THSD7A: variants seen among roughly 807,000 people sequenced by gnomAD.
THSD7A encodes the protein thrombospondin type 1 domain containing 7A.
Under a neutral mutation model 231.3 loss-of-function variants are expected in THSD7A, and 96 were observed. The observed-to-expected ratio is 0.41, with a 90% CI of 0.35 to 0.49. The LOEUF (loss-of-function observed/expected upper bound fraction) is 0.49, where lower values mean the gene tolerates loss of function less well. Among genes scored for constraint, THSD7A ranks in the 20% least tolerant of loss-of-function variants. THSD7A has a pLI of 0.05. For synonymous variants in THSD7A, 940 were observed against 743.3 expected (o/e 1.26, Z -4.30); for missense variants, 2,290 against 2,070.2 (o/e 1.11, Z -2.06).
intron 19 of THSD7A, among the ~76,000 whole-genome samples, chr7:11,408,281 G>T (rs1391136068): frequency 6.6e-6 from 1 of 152,084 alleles, no homozygotes; most frequent in Non-Finnish European, 1.5e-5. Context: ...GACCGAGGTG[G>T]GCGGATCACC....
At chr7:11,600,967 C>A (rs1250922440) in intron 2 of THSD7A, among the ~76,000 whole-genome samples, 1 of 152,098 alleles carries the variant, frequency 6.6e-6, no homozygotes, top group East Asian at 1.9e-4. Context: ...ACAGAGAGGA[C>A]CAAAATCCCA....
At chr7:11,518,332 G>A (rs1179220230) in intron 6 of THSD7A, among the ~76,000 whole-genome samples, 1 of 152,126 alleles carries the variant, frequency 6.6e-6, no homozygotes, top group Non-Finnish European at 1.5e-5. Flanking sequence ...GGAAGCGTGA[G>A]AGACTGTGGA....
At chr7:11,753,260 A>C (rs1782563449) in intron 1 of THSD7A, among the ~76,000 whole-genome samples, 1 of 152,092 alleles carries the variant, frequency 6.6e-6, no homozygotes, top group Non-Finnish European at 1.5e-5. Context: ...TGATCTTTAA[A>C]ATTAATTTGC....
At chr7:11,727,579 C>G (rs1393065410) in intron 1 of THSD7A, among the ~76,000 whole-genome samples, 3 of 151,978 alleles carry the variant, frequency 2.0e-5, no homozygotes, top group East Asian at 3.9e-4. Flanking sequence ...AAAACTCTTA[C>G]CAACTTTGGA....
intron 23 of THSD7A, among the ~76,000 whole-genome samples, chr7:11,387,367 T>C (rs1373245666): frequency 6.6e-6 from 1 of 152,222 alleles, no homozygotes; most frequent in Non-Finnish European, 1.5e-5. Flanking sequence ...TTCCATTTAT[T>C]TGTGTCCTCT....
chr7:11,805,516 T>C (rs1784377042), intron 1 of THSD7A, among the ~76,000 whole-genome samples: 1 of 152,054 alleles, frequency 6.6e-6, no homozygotes, highest in South Asian at 2.1e-4. Flanking sequence ...CAGAGAAAAA[T>C]AGAGAATAAT....
intron 6 of THSD7A, among the ~76,000 whole-genome samples, chr7:11,485,617 A>G (rs1786624329): frequency 6.6e-6 from 1 of 152,222 alleles, no homozygotes; most frequent in Admixed American, 6.5e-5. Flanking sequence ...CAAAAGTTTG[A>G]CTAAAGGAAC....
chr7:11,441,545 G>A (rs1784803692), intron 13 of THSD7A, among the ~76,000 whole-genome samples: 1 of 151,984 alleles, frequency 6.6e-6, no homozygotes, highest in Non-Finnish European at 1.5e-5. Context: ...TGTGTGGTTA[G>A]GCTCTCAATA....
rs139241693 is a variant in THSD7A, at chr7:11,773,453, C to T, written c.190+58304G>A. On this transcript the variant is annotated intron_variant, in intron 1 of 27. Coordinates refer to ENST00000423059, the MANE Select transcript of THSD7A (RefSeq NM_015204.3). ...GCTGAGGCAGGAGAATTGCTTGAAC[C>T]CGGGAGGCAGAGATTGGGGTGAGCT... 9.9e-5 allele frequency among the ~76,000 whole-genome samples: 15 copies of T among 152,078 alleles called. No homozygotes were observed. The East Asian group carries it at 2.5e-3, about 26-fold the overall frequency.
chr7:11,473,566 GA>G (rs1786021896), intron 8 of THSD7A, among the ~76,000 whole-genome samples: 1 of 151,984 alleles, frequency 6.6e-6, no homozygotes, highest in Non-Finnish European at 1.5e-5. Context: ...GTTAAGTTTT[GA>G]AAAATAAAGC....
Position 11,489,456 on chromosome 7 carries a change from C to T in THSD7A, c.1823-7474G>A, listed in dbSNP as rs1583837627. On this transcript the variant is annotated intron_variant, in intron 6 of 27. Transcript: ENST00000423059. ...GTAATGTATGTAAATCTTCTCCCAG[C>T]CTCTTGCCAGTTTTGCAAACCAGGA... 3.3e-5 allele frequency among the ~76,000 whole-genome samples: 5 copies of T among 152,152 alleles called. No homozygotes were observed. The South Asian group carries it at 1.0e-3, about 32-fold the overall frequency.
At chr7:11,598,568 C>T (rs1309547877) in intron 2 of THSD7A, among the ~76,000 whole-genome samples, 2 of 152,118 alleles carry the variant, frequency 1.3e-5, no homozygotes, top group Non-Finnish European at 2.9e-5. Flanking sequence ...TTTGCCAGCA[C>T]TTATGGGGGA....
intron 1 of THSD7A, among the ~76,000 whole-genome samples, chr7:11,707,294 T>C (rs1780800724): frequency 6.6e-6 from 1 of 150,924 alleles, no homozygotes; most frequent in African/African-American, 2.4e-5. Context: ...ATCATAGTAT[T>C]CGTCTTTGCA....
intron 1 of THSD7A, among the ~76,000 whole-genome samples, chr7:11,754,286 T>G (rs896723137): frequency 6.6e-6 from 1 of 152,038 alleles, no homozygotes; most frequent in African/African-American, 2.4e-5. Context: ...GTAACGGAAG[T>G]GAGAACTCGA....
chr7:11,815,912 T>C (rs1784679889), intron 1 of THSD7A, among the ~76,000 whole-genome samples: 1 of 152,090 alleles, frequency 6.6e-6, no homozygotes, highest in African/African-American at 2.4e-5. Flanking sequence ...TCCAAACTTC[T>C]TTCTATCCCT....
chr7:11,706,276 T>C (rs1022434627), intron 1 of THSD7A, among the ~76,000 whole-genome samples: 7 of 150,922 alleles, frequency 4.6e-5, no homozygotes, highest in African/African-American at 1.5e-4. Flanking sequence ...CCAAGTGCTG[T>C]GGTCTTGTCT....
In THSD7A at chr7:11,632,464, T is replaced by C. The variant is rs1405588934; in HGVS notation, c.1022+3666A>G. On this transcript the variant is annotated intron_variant, in intron 2 of 27. Transcript: ENST00000423059. The surrounding 1 kb of genome is among the most constrained non-coding windows in gnomAD (Gnocchi z 4.1). ...TGTACATCAACCTTATTGATTTTTTTATTGTTTATATTTTCAATTGATTAG... is the reference window on the plus strand; with the variant it reads ...TGTACATCAACCTTATTGATTTTTTCATTGTTTATATTTTCAATTGATTAG... Among the ~76,000 whole-genome samples the C allele has an allele frequency of 6.6e-6, 1 of 152,346 alleles. No homozygotes were observed. Among genetic ancestry groups the C allele is most frequent in the African/African-American group, 2.4e-5 (1 of 41,590 alleles).
intron 16 of THSD7A, among the ~76,000 whole-genome samples, chr7:11,420,942 T>G (rs2115406235): frequency 6.6e-6 from 1 of 152,290 alleles, no homozygotes; most frequent in Middle Eastern, 3.4e-3. Flanking sequence ...TGTAGCCACT[T>G]TGTTTTGGCG....
In THSD7A at chr7:11,448,383, T is replaced by C. The variant is rs114466001; in HGVS notation, c.2606-959A>G. Among the ~76,000 whole-genome samples, 632 of 152,252 alleles carry C rather than the reference T, an allele frequency of 4.2e-3. 10 individuals are homozygous for C. The highest frequency in any genetic ancestry group is 0.014 in the African/African-American group (594 of 41,546). On this transcript the variant is annotated intron_variant, in intron 11 of 27. Coordinates refer to ENST00000423059, the MANE Select transcript of THSD7A (RefSeq NM_015204.3). ...TTGGTTTTAAAAACAACTCACTTAT[T>C]GAGGAAGCAGATGAAACATTAAACC...
Sources: gnomAD v4.1 joint callset for allele counts (sites outside exome capture counted in the v4.1 genomes callset) on GRCh38, gnomAD v4.1.1 for gene constraint, Gnocchi (gnomAD v3.1) non-coding constraint, MANE v1.5 for transcripts, NCBI Gene and HGNC (gene_info 2026-07-23, HGNC 2026-07-21) for gene names.